RNF41: variants seen among roughly 807,000 people sequenced by gnomAD.
RNF41 encodes the protein E3 ubiquitin-protein ligase NRDP1.
In RNF41, 4 loss-of-function variants were observed where a neutral mutation model predicts 33.0. The ratio of observed to expected loss-of-function variants is 0.12; its 90% CI spans 0.06 to 0.28. The LOEUF is 0.28. Ranked by LOEUF, RNF41 falls within the 10% of genes least tolerant of loss-of-function variation. RNF41 has a pLI of 1.00. For synonymous variants in RNF41, 164 were observed against 153.2 expected (o/e 1.07, Z -0.52); for missense variants, 228 against 432.6 (o/e 0.53, Z 4.19).
In RNF41 at chr12:56,214,295, C is replaced by T. The variant is rs945220714; in HGVS notation, c.-23-225G>A. ...CAACACTTTGGGAGGCCGAGGCAGG[C>T]GGATCACCTGAGGTCAGGAGTTCAA... On this transcript the variant is annotated intron_variant, in intron 2 of 6. Transcript: ENST00000345093. 1.8e-4 allele frequency among the ~76,000 whole-genome samples: 28 copies of T among 151,964 alleles called. No individual in the cohort carries two copies. The East Asian group carries it at 3.7e-3, about 20-fold the overall frequency.
chr12:56,221,609 TG>T (rs1565948541), intron 1 of RNF41, 150 bp downstream of exon 1: 2 of 152,760 alleles, frequency 1.3e-5, no homozygotes, highest in Non-Finnish European at 2.9e-5. Context: ...TCCTCGCCAG[TG>T]CTGCTCCCTT....
intron 1 of RNF41, among the ~76,000 whole-genome samples, chr12:56,220,288 C>T (rs1869271916): frequency 6.6e-6 from 1 of 151,842 alleles, no homozygotes; most frequent in African/African-American, 2.4e-5. Context: ...AATCTCAGCT[C>T]ACTGCAACCT....
intron 6 of RNF41, chr12:56,207,278 A>G (rs1168048559): frequency 7.5e-6 from 10 of 1,337,386 alleles, no homozygotes; most frequent in South Asian, 1.2e-5. Flanking sequence ...CTGGACTTGC[A>G]CTCTGCCTCC....
intron 1 of RNF41, among the ~76,000 whole-genome samples, chr12:56,219,255 G>T (rs568134892): frequency 4.0e-5 from 6 of 149,936 alleles, no homozygotes; most frequent in African/African-American, 1.5e-4. Flanking sequence ...GCAGTGATGC[G>T]ATCTCGGCTC....
intron 3 of RNF41, among the ~76,000 whole-genome samples, chr12:56,211,797 C>G (rs1007253286): frequency 6.6e-6 from 1 of 151,848 alleles, no homozygotes; most frequent in African/African-American, 2.4e-5. Flanking sequence ...ATAGCGAAAC[C>G]CTGTCTCTAC....
In RNF41 at chr12:56,205,988, C is replaced by G; in HGVS notation, c.*459G>C. Reference sequence around the variant, plus strand: ...CAATTAACGGCCTCACTACTTATTTCTAGAGATTTGGCTCCACCCTTACCA... The same window carrying G: ...CAATTAACGGCCTCACTACTTATTTGTAGAGATTTGGCTCCACCCTTACCA... On this transcript the variant is annotated 3_prime_UTR_variant, in exon 7 of 7. Transcript: ENST00000345093. 1 of 163,354 alleles carries G rather than the reference C, an allele frequency of 6.1e-6. No individual in the cohort carries two copies. The highest frequency in any genetic ancestry group is 1.4e-5 in the Non-Finnish European group (1 of 73,666). The allele number at this position is 163,354 out of a possible 1,614,324, so 10.1% of individuals were successfully genotyped here. A position where few individuals can be genotyped will look rare whatever the true frequency, so the allele number is the denominator to read the frequency against.
At position 56,206,877 on chromosome 12, in the gene RNF41, C is replaced by T. The variant is rs985350293; in HGVS notation, c.603-79G>A. Reference sequence around the variant, plus strand: ...TGGCTTTTTCTGCTAATAGAAATAACTACCCACTCTGCACTCAGCTTACCT... The same window carrying T: ...TGGCTTTTTCTGCTAATAGAAATAATTACCCACTCTGCACTCAGCTTACCT... On this transcript the variant is annotated intron_variant, in intron 6 of 6. Transcript: ENST00000345093. The surrounding 1 kb of genome is among the most constrained non-coding windows in gnomAD (Gnocchi z 5.7). 16 of 1,088,038 alleles carry T rather than the reference C, an allele frequency of 1.5e-5. No homozygotes were observed. In the African/African-American group the frequency reaches 2.2e-4, roughly 15 times the overall value. 67.4% of individuals were successfully genotyped at this position (1,088,038 alleles called of 1,614,324 possible).
Position 56,207,657 on chromosome 12 carries a change from G to A in RNF41, c.591C>T (p.Asn197=), listed in dbSNP as rs778799698. 21 of 1,611,918 alleles carry A rather than the reference G, an allele frequency of 1.3e-5. No individual in the cohort carries two copies. In the South Asian group the frequency reaches 1.9e-4, roughly 14 times the overall value. Residue 197 remains asparagine, a synonymous_variant, in exon 6 of 7, where the codon AAC becomes AAT. Transcript: ENST00000345093. ...LQNLEETIEY[N]EILEWVNSLQ... ...TGAGTGACACTCACTCTAGGATCTCGTTGTATTCAATTGTCTCCTCCAGGT... is the reference window on the plus strand; with the variant it reads ...TGAGTGACACTCACTCTAGGATCTCATTGTATTCAATTGTCTCCTCCAGGT...
chr12:56,206,047 GGC>G lies in RNF41; in HGVS notation c.*398_*399del. ...GGATGTCTGCTGCTTAGAGTCAACA[GGC>G]CTGACTGCTCTGATTCCCTGGTTTT... On this transcript the variant is annotated 3_prime_UTR_variant, in exon 7 of 7. Transcript: ENST00000345093. This position sits in a 1 kb window ranked among gnomAD's most constrained non-coding sequence, Gnocchi z 5.7. The G allele has an allele frequency of 5.3e-6, 1 of 189,524 alleles. No individual in the cohort carries two copies. Among genetic ancestry groups the G allele is most frequent in the East Asian group, 1.3e-4 (1 of 7,428 alleles). The allele number at this position is 189,524 out of a possible 1,614,324, so 11.7% of individuals were successfully genotyped here.
chr12:56,218,446 A>G (rs1042955953), intron 1 of RNF41, among the ~76,000 whole-genome samples: 5 of 150,730 alleles, frequency 3.3e-5, no homozygotes, highest in African/African-American at 1.2e-4. Flanking sequence ...TATTTTTGGT[A>G]GAGATGGGGT....
rs530029976 is a variant in RNF41, at chr12:56,216,785, C to T, written c.-208-172G>A. Among the ~76,000 whole-genome samples, 6 of 152,236 alleles carry T rather than the reference C, an allele frequency of 3.9e-5. No individual in the cohort carries two copies. The South Asian group carries it at 1.2e-3, about 32-fold the overall frequency. ...ACTACCTTCTAAGGAGGGAGCTCAC[C>T]AGCTAAGGAAGCACACACACGGGGT... On this transcript the variant is annotated intron_variant, in intron 1 of 6. Transcript: ENST00000345093.
chr12:56,218,712 ATT>A (rs1027649162), intron 1 of RNF41, among the ~76,000 whole-genome samples: 10 of 145,818 alleles, frequency 6.9e-5, no homozygotes, highest in Non-Finnish European at 1.2e-4. Flanking sequence ...TATATATGTT[ATT>A]TTTTTTTTGA....
In RNF41 at chr12:56,202,880, C is replaced by T. The variant is rs1878649454; in HGVS notation, c.*3567G>A. On this transcript the variant is annotated 3_prime_UTR_variant, in exon 7 of 7. Coordinates refer to ENST00000345093, the MANE Select transcript of RNF41 (RefSeq NM_005785.4). ...AAGGACAATATGACACCATTCATAACATTCACAAGAATGAGCAGCAAGTTC... is the reference window on the plus strand; with the variant it reads ...AAGGACAATATGACACCATTCATAATATTCACAAGAATGAGCAGCAAGTTC... 6.6e-6 allele frequency: 1 copy of T among 152,144 alleles called. No homozygotes were observed. Among genetic ancestry groups the T allele is most frequent in the Non-Finnish European group, 1.5e-5 (1 of 68,020 alleles). The allele number at this position is 152,144 out of a possible 1,614,324, so 9.4% of individuals were successfully genotyped here.
intron 4 of RNF41, among the ~76,000 whole-genome samples, chr12:56,209,824 G>A (rs1032700987): frequency 6.6e-6 from 1 of 152,150 alleles, no homozygotes; most frequent in Non-Finnish European, 1.5e-5. Context: ...GGTTGGTCTT[G>A]AACTCCTGGC....
At position 56,209,489 on chromosome 12, in the gene RNF41, G is replaced by A. The variant is rs1399484108; in HGVS notation, c.362+808C>T. Among the ~76,000 whole-genome samples the A allele has an allele frequency of 2.8e-5, 4 of 142,110 alleles. No homozygotes were observed. The East Asian group carries it at 6.2e-4, about 22-fold the overall frequency. 93.2% of individuals were successfully genotyped at this position (142,110 alleles called of 152,430 possible). On this transcript the variant is annotated intron_variant, in intron 4 of 6. Transcript: ENST00000345093. The stretch of plus-strand genomic sequence containing the variant: ...TTTTTTTTTTTTGAGACGGAGTCTC[G>A]CTCTGTTGCCCAGGCTGGAGTGCAG...
In RNF41 at chr12:56,216,618, T is replaced by C. The variant is rs1868910412; in HGVS notation, c.-208-5A>G. Reference sequence around the variant, plus strand: ...GATGTCACAATCAGGAGTACTCTAGTAATAGGAACAAGGAAGAGAAAGGAG... The same window carrying C: ...GATGTCACAATCAGGAGTACTCTAGCAATAGGAACAAGGAAGAGAAAGGAG... On this transcript the variant is annotated splice_region_variant and splice_polypyrimidine_tract_variant and intron_variant, in intron 1 of 6. Coordinates refer to ENST00000345093, the MANE Select transcript of RNF41 (RefSeq NM_005785.4). 6.6e-6 allele frequency: 1 copy of C among 152,112 alleles called. No individual in the cohort carries two copies. The highest frequency in any genetic ancestry group is 2.4e-5 in the African/African-American group (1 of 41,414). The allele number at this position is 152,112 out of a possible 1,614,324, so 9.4% of individuals were successfully genotyped here.
intron 1 of RNF41, among the ~76,000 whole-genome samples, chr12:56,218,023 G>A (rs191750661): frequency 2.0e-4 from 30 of 152,174 alleles, no homozygotes; most frequent in African/African-American, 7.2e-4. Flanking sequence ...GCGCGATCTT[G>A]GCTCACTGAA....
At chr12:56,220,675 G>A (rs926367759) in intron 1 of RNF41, among the ~76,000 whole-genome samples, 1 of 151,042 alleles carries the variant, frequency 6.6e-6, no homozygotes, top group Non-Finnish European at 1.5e-5. Context: ...AGGTGGCACT[G>A]AGCCGAGATT....
chr12:56,212,405 A>T (rs1005583639), intron 3 of RNF41, among the ~76,000 whole-genome samples: 1 of 152,190 alleles, frequency 6.6e-6, no homozygotes, highest in African/African-American at 2.4e-5. Context: ...GTGTCTGGGA[A>T]CCTGGCATCA....
Sources: gnomAD v4.1 joint callset for allele counts (sites outside exome capture counted in the v4.1 genomes callset) on GRCh38, gnomAD v4.1.1 for gene constraint, Gnocchi (gnomAD v3.1) non-coding constraint, MANE v1.5 for transcripts, NCBI Gene and HGNC (gene_info 2026-07-23, HGNC 2026-07-21) for gene names.